LZTFL1: variants seen among roughly 807,000 people sequenced by gnomAD.
LZTFL1 encodes leucine zipper transcription factor like 1.
Under a neutral mutation model 45.9 loss-of-function variants are expected in LZTFL1, and 25 were observed. The ratio of observed to expected loss-of-function variants is 0.54; its 90% CI spans 0.40 to 0.76. LZTFL1 has a LOEUF of 0.76. Ranked by LOEUF, LZTFL1 falls within the 30% of genes least tolerant of loss-of-function variation. The pLI, the probability that LZTFL1 is intolerant of heterozygous loss-of-function variation, is 0.00. For synonymous variants in LZTFL1, 93 were observed against 117.4 expected, an observed-to-expected ratio of 0.79 and a Z score of 1.35; for missense variants, 277 against 331.1, an observed-to-expected ratio of 0.84 and a Z score of 1.27.
rs771948402 is a variant in LZTFL1, at chr3:45,901,400, C to T, written c.-215+11720G>A. ...CTATCTGCACCATGGTTTACCCTAG[C>T]GATGAGAGCACCAAACTGAAGTCAG... is the stretch of plus-strand genomic sequence containing the variant. On this transcript the variant is annotated intron_variant, in intron 2 of 4. Coordinates refer to the LZTFL1 transcript ENST00000472635. This position sits in a 1 kb window ranked among gnomAD's most constrained non-coding sequence, Gnocchi z 4.3. 2.5e-5 allele frequency: 40 copies of T among 1,614,058 alleles called. No individual in the cohort carries two copies. Among genetic ancestry groups the T allele is most frequent in the African/African-American group, 1.5e-4 (11 of 74,910 alleles).
At chr3:45,845,485 T>C (rs936842732), upstream of LZTFL1, among the ~76,000 whole-genome samples, 8 of 152,158 alleles carry the variant, frequency 5.3e-5, no homozygotes, top group Admixed American at 2.0e-4. Context: ...AGTGTGATGA[T>C]TGTGAAATTG....
In LZTFL1 at chr3:45,833,118, T is replaced by C. The variant is rs751308861; in HGVS notation, c.388A>G (p.Ile130Val). ...AGTTTTGGCTTTGTGACATCTAAGA[T>C]GGGCTGAAACAAAATAAAGAAACCA... ...AEITSSNKKP[I>V]LDVTKPKLAP... The change falls in exon 5 of 10, where the codon ATC becomes GTC. Residue 130 changes from isoleucine (I) to valine (V), a missense_variant. Ile to Val is a conservative substitution (Grantham distance 29). Coordinates refer to ENST00000296135, the MANE Select transcript of LZTFL1 (RefSeq NM_020347.4). 1.3e-5 allele frequency: 21 copies of C among 1,612,106 alleles called. No individual in the cohort carries two copies. In the South Asian group the frequency reaches 1.5e-4, roughly 12 times the overall value.
chr3:45,907,448 A>G (rs1469643068), intron 2 of LZTFL1, among the ~76,000 whole-genome samples: 2 of 152,216 alleles, frequency 1.3e-5, no homozygotes, highest in African/African-American at 4.8e-5. Context: ...CTCTTCCTGC[A>G]TCTGCTGCAG....
At chr3:45,837,901 GT>G (rs1701006577) in intron 2 of LZTFL1, 25 bp downstream of exon 2, 2 of 1,570,166 alleles carry the variant, frequency 1.3e-6, no homozygotes, top group South Asian at 2.4e-5. Context: ...TTCCTATTTG[GT>G]TTGCTTAGAG....
Position 45,867,503 on chromosome 3 carries a change from A to G in LZTFL1, c.-214-8487T>C, listed in dbSNP as rs375059333. Among the ~76,000 whole-genome samples, 3 of 152,154 alleles carry G rather than the reference A, an allele frequency of 2.0e-5. No individual in the cohort carries two copies. The East Asian group carries it at 5.8e-4, about 29-fold the overall frequency. On this transcript the variant is annotated intron_variant, in intron 2 of 4. Transcript: ENST00000472635. ...ATCTTTGGGGTGAATTGGAATTAAA[A>G]GGCAAGGCTGGAAGTTTATATTGTT... is the stretch of plus-strand genomic sequence containing the variant.
intron 4 of LZTFL1, among the ~76,000 whole-genome samples, chr3:45,852,752 A>G (rs1172068327): frequency 3.3e-5 from 5 of 152,214 alleles, no homozygotes; most frequent in African/African-American, 1.2e-4. Flanking sequence ...GACAGGCATT[A>G]CTTTTACAGT....
intron 2 of LZTFL1, among the ~76,000 whole-genome samples, chr3:45,893,567 A>T (rs1702258320): frequency 6.6e-6 from 1 of 151,986 alleles, no homozygotes; most frequent in Admixed American, 6.5e-5. Flanking sequence ...TACAGTATGA[A>T]CTCCCTTTGG....
intron 8 of LZTFL1, 21 bp from the exon 9 acceptor site, chr3:45,827,480 G>A: frequency 7.0e-7 from 1 of 1,432,024 alleles, no homozygotes; most frequent in Non-Finnish European, 9.8e-7. Flanking sequence ...AAAAATGTCA[G>A]CCCATTACTA....
At chr3:45,847,299 T>C (rs1701233089) in intron 4 of LZTFL1, among the ~76,000 whole-genome samples, 1 of 152,224 alleles carries the variant, frequency 6.6e-6, no homozygotes, top group Non-Finnish European at 1.5e-5. Flanking sequence ...TCATGGCTTT[T>C]CCTGTAGCAA....
intron 2 of LZTFL1, among the ~76,000 whole-genome samples, chr3:45,893,310 AC>A (rs1702249174): frequency 6.6e-6 from 1 of 152,060 alleles, no homozygotes; most frequent in South Asian, 2.1e-4. Context: ...GCACACCACC[AC>A]ACCTGGCTAA....
chr3:45,831,817 T>C (rs1281486687), intron 5 of LZTFL1, among the ~76,000 whole-genome samples: 1 of 152,192 alleles, frequency 6.6e-6, no homozygotes, highest in Non-Finnish European at 1.5e-5. Flanking sequence ...AAGAGCCTGT[T>C]CTCACCTACT....
At chr3:45,853,770 A>G (rs1376942743) in intron 4 of LZTFL1, among the ~76,000 whole-genome samples, 2 of 152,216 alleles carry the variant, frequency 1.3e-5, no homozygotes, top group Non-Finnish European at 1.5e-5. Context: ...AAAAGAAAAC[A>G]ATGACAAACC....
At chr3:45,830,016 T>C (rs1559401525) in intron 7 of LZTFL1, among the ~76,000 whole-genome samples, 2 of 152,178 alleles carry the variant, frequency 1.3e-5, no homozygotes, top group East Asian at 3.8e-4. Context: ...AAGAAGAAAG[T>C]AGAGGTACAA....
In LZTFL1 at chr3:45,823,637, A is replaced by G. The variant is rs1210891526; in HGVS notation, c.*2677T>C. ...AAGCAGTTTTGAAAATGGTTTTGTC[A>G]AAATATTATTGTCTAAATACTACTG... is the stretch of plus-strand genomic sequence containing the variant. On this transcript the variant is annotated 3_prime_UTR_variant, in exon 10 of 10. Coordinates refer to ENST00000296135, the MANE Select transcript of LZTFL1 (RefSeq NM_020347.4). The G allele has an allele frequency of 6.6e-6, 1 of 152,234 alleles. No homozygotes were observed. The highest frequency in any genetic ancestry group is 1.5e-5 in the Non-Finnish European group (1 of 68,046). 9.4% of individuals were successfully genotyped at this position (152,234 alleles called of 1,614,324 possible).
chr3:45,839,869 C>G (rs1701061146), intron 1 of LZTFL1, among the ~76,000 whole-genome samples: 2 of 152,224 alleles, frequency 1.3e-5, no homozygotes, highest in Non-Finnish European at 2.9e-5. Context: ...CCTGTTTCAC[C>G]TACTCTGTGC....
intron 5 of LZTFL1, among the ~76,000 whole-genome samples, chr3:45,831,497 G>C (rs1054675766): frequency 6.6e-6 from 1 of 152,188 alleles, no homozygotes; most frequent in Non-Finnish European, 1.5e-5. Flanking sequence ...ACTGCACACT[G>C]TTGCCCCTTA....
chr3:45,906,465 T>G (rs1051584341), intron 2 of LZTFL1, among the ~76,000 whole-genome samples: 1 of 152,168 alleles, frequency 6.6e-6, no homozygotes, highest in African/African-American at 2.4e-5. Flanking sequence ...TTTGGAGGGT[T>G]GACCAGCATT....
intron 2 of LZTFL1, among the ~76,000 whole-genome samples, chr3:45,911,698 T>C (rs1702798032): frequency 6.6e-6 from 1 of 152,272 alleles, no homozygotes; most frequent in South Asian, 2.1e-4. Context: ...GGCCATATTG[T>C]GGCTTCCTCC....
chr3:45,835,379 G>A, intron 3 of LZTFL1: 1 of 509,590 alleles, frequency 2.0e-6, no homozygotes, highest in East Asian at 3.2e-5. Context: ...GATGGCCTTT[G>A]TAATACCTAG....
Sources: gnomAD v4.1 joint callset for allele counts (sites outside exome capture counted in the v4.1 genomes callset) on GRCh38, gnomAD v4.1.1 for gene constraint, Gnocchi (gnomAD v3.1) non-coding constraint, MANE v1.5 for transcripts, NCBI Gene and HGNC (gene_info 2026-07-23, HGNC 2026-07-21) for gene names.